RBBP8NL: variants seen among roughly 807,000 people sequenced by gnomAD.
The protein encoded by RBBP8NL is RBBP8 N-terminal like, also known as RBBP8 N-terminal-like protein.
RBBP8NL carries 59 observed loss-of-function variants against 62.2 expected under a neutral mutation model. The observed-to-expected ratio is 0.95, with a 90% confidence interval of 0.77 to 1.18. The LOEUF (loss-of-function observed/expected upper bound fraction) is 1.18, where lower values mean the gene tolerates loss of function less well. RBBP8NL is among the 50% of genes most tolerant of loss of function. The pLI is 0.00. For missense variants in RBBP8NL, 896 were observed against 899.5 expected (o/e 1.00, Z 0.05); for synonymous variants, 412 against 394.1 (o/e 1.05, Z -0.54).
chr20:62,415,773 C>G lies in RBBP8NL; in HGVS notation c.544+15G>C, dbSNP rs768653440. 4.3e-6 allele frequency: 7 copies of G among 1,611,206 alleles called. No homozygotes were observed. In the African/African-American group the frequency reaches 8.0e-5, roughly 18 times the overall value. ...GGGGGCCCAGCCTCCCAGCCTCACC[C>G]GGTCCCCACAGCACCTTCTCCCCGT... On this transcript the variant is annotated intron_variant, in intron 7 of 13. Coordinates refer to ENST00000252998, the MANE Select transcript of RBBP8NL (RefSeq NM_080833.3).
At position 62,413,548 on chromosome 20, in the gene RBBP8NL, G is replaced by T. The variant is rs757314233; in HGVS notation, c.1531-3C>A. On this transcript the variant is annotated splice_region_variant and splice_polypyrimidine_tract_variant and intron_variant, in intron 10 of 13. Transcript: ENST00000252998. ...CCTGGAAGTGGGCGTGAGGGGTCCT[G>T]GGGGGAGGCAAGTAGGTGGCTTGAG... is the stretch of plus-strand genomic sequence containing the variant. 1.3e-6 allele frequency: 2 copies of T among 1,520,364 alleles called. No individual in the cohort carries two copies. The highest frequency in any genetic ancestry group is 2.4e-5 in the Admixed American group (1 of 41,464). 94.2% of individuals were successfully genotyped at this position (1,520,364 alleles called of 1,614,324 possible). A position where few individuals can be genotyped will look rare whatever the true frequency, so the allele number is the denominator to read the frequency against.
intron 4 of RBBP8NL, 142 bp downstream of exon 4, chr20:62,417,082 G>A (rs994750973): frequency 3.3e-5 from 24 of 718,058 alleles, no homozygotes; most frequent in South Asian, 3.3e-4. Flanking sequence ...TTAAGGCTCT[G>A]AGATGTCCTG....
chr20:62,413,631 C>G (rs1988486677), intron 10 of RBBP8NL, 86 bp from the exon 11 acceptor site: 2 of 1,460,958 alleles, frequency 1.4e-6, no homozygotes, highest in Non-Finnish European at 1.8e-6. Context: ...TGGGACCCCT[C>G]TTGAGGCTGC....
Position 62,412,571 on chromosome 20 carries a change from G to A in RBBP8NL, c.1876+53C>T, listed in dbSNP as rs189379138. 3.8e-3 allele frequency: 6,063 copies of A among 1,583,798 alleles called. 60 individuals carry two copies. The highest frequency in any genetic ancestry group is 0.012 in the Middle Eastern group (52 of 4,362). On this transcript the variant is annotated intron_variant, in intron 13 of 13. Coordinates refer to ENST00000252998, the MANE Select transcript of RBBP8NL (RefSeq NM_080833.3). Reference sequence around the variant, plus strand: ...GAGAGGTGGCACTGGGGAGAGGTGGGTGCTGTGGCTCCCCTCGCCCCCTTC... The same window carrying A: ...GAGAGGTGGCACTGGGGAGAGGTGGATGCTGTGGCTCCCCTCGCCCCCTTC...
At chr20:62,418,387 T>G in intron 3 of RBBP8NL, 36 bp downstream of exon 3, 1 of 1,545,848 alleles carries the variant, frequency 6.5e-7, no homozygotes, top group South Asian at 1.2e-5. Context: ...GCCAGTGTGG[T>G]CCCTGTGAGG....
rs1249862247 is a variant in RBBP8NL at position 62,415,213 on chromosome 20, G to A, written c.702C>T (p.Ala234=). 13 of 1,526,316 alleles carry A rather than the reference G, an allele frequency of 8.5e-6. No homozygotes were observed. Among genetic ancestry groups the A allele is most frequent in the African/African-American group, 2.7e-5 (2 of 72,860 alleles). 94.5% of individuals were successfully genotyped at this position (1,526,316 alleles called of 1,614,324 possible). A position where few individuals can be genotyped will look rare whatever the true frequency, so the allele number is the denominator to read the frequency against. The change falls in exon 9 of 14, where the codon GCC becomes GCT. Residue 234 remains alanine, a synonymous_variant. Transcript: ENST00000252998. ...GCGTCCCATTGGCGGGGCCTCGGTC[G>A]GCAGGGCAAGCCTGGGACCCAGGCC... ...VVRPGSQACP[A]DRGPANGTPP...
intron 6 of RBBP8NL, 29 bp downstream of exon 6, chr20:62,416,135 T>TCTGA (rs1988559195): frequency 6.3e-7 from 1 of 1,598,046 alleles, no homozygotes; most frequent in Non-Finnish European, 8.5e-7. Context: ...GAGTTGGGTG[T>TCTGA]CTGAGCCCTG....
chr20:62,415,270 G>A lies in RBBP8NL; in HGVS notation c.645C>T (p.Ser215=). Residue 215 remains serine (S), a synonymous_variant, in exon 9 of 14, where the codon TCC becomes TCT. Transcript: ENST00000252998. The part of the protein sequence containing the change: ...RAPDMSPQRI[S]NQLHGTIAVV... Reference sequence around the variant, plus strand: ...CGGCAATGGTCCCGTGCAGCTGGTTGGAGATGCGCTGGGGGCTCTGTGAGG... The same window carrying A: ...CGGCAATGGTCCCGTGCAGCTGGTTAGAGATGCGCTGGGGGCTCTGTGAGG... 1 of 1,572,800 alleles carries A rather than the reference G, an allele frequency of 6.4e-7. No individual in the cohort carries two copies. Among genetic ancestry groups the A allele is most frequent in the Non-Finnish European group, 8.6e-7 (1 of 1,166,358 alleles).
chr20:62,415,058 A>G, intron 9 of RBBP8NL, 63 bp downstream of exon 9: 1 of 1,393,646 alleles, frequency 7.2e-7, no homozygotes, highest in Admixed American at 3.0e-5. Context: ...CTGCCCTGGG[A>G]CCAGGGGCTG....
At chr20:62,423,641 C>T (rs781685841) in intron 1 of RBBP8NL, among the ~76,000 whole-genome samples, 13 of 152,300 alleles carry the variant, frequency 8.5e-5, no homozygotes, top group South Asian at 8.3e-4. Context: ...GGGGTCCACA[C>T]GAGAGGTGGG....
intron 13 of RBBP8NL, among the ~76,000 whole-genome samples, chr20:62,412,099 C>A (rs532683252): frequency 6.4e-4 from 98 of 152,392 alleles, no homozygotes; most frequent in African/African-American, 2.3e-3. Flanking sequence ...GGAGCTGGGT[C>A]CAAGGACACT....
chr20:62,424,252 G>A (rs1988762404), intron 1 of RBBP8NL, among the ~76,000 whole-genome samples: 2 of 152,030 alleles, frequency 1.3e-5, no homozygotes, highest in South Asian at 4.2e-4. Flanking sequence ...GGGGAGGGCA[G>A]GCTAGTGAGC....
chr20:62,426,397 C>T (rs990156287), intron 1 of RBBP8NL, among the ~76,000 whole-genome samples: 1 of 152,262 alleles, frequency 6.6e-6, no homozygotes, highest in Non-Finnish European at 1.5e-5. Flanking sequence ...TGTCCACCTC[C>T]TGGCTGCCCC....
chr20:62,415,335 G>C (rs1333494718), intron 8 of RBBP8NL, 48 bp from the exon 9 acceptor site: 3 of 1,526,098 alleles, frequency 2.0e-6, no homozygotes, highest in African/African-American at 2.7e-5. Context: ...CGTGGCCTCT[G>C]CTGTGGCCTC....
At chr20:62,418,125 T>C (rs1448234060) in intron 3 of RBBP8NL, among the ~76,000 whole-genome samples, 1 of 152,200 alleles carries the variant, frequency 6.6e-6, no homozygotes, top group East Asian at 1.9e-4. Flanking sequence ...TGACCAGACA[T>C]GACCCCAGCT....
chr20:62,416,330 T>C (rs1988565769), intron 5 of RBBP8NL, 94 bp from the exon 6 acceptor site: 4 of 1,156,476 alleles, frequency 3.5e-6, no homozygotes, highest in Non-Finnish European at 5.0e-6. Flanking sequence ...CCCTCAGCAG[T>C]GCCCCCAGCA....
rs1988414192 is a variant in RBBP8NL at position 62,410,739 on chromosome 20, G to C, written c.*139C>G. ...AGAGAGCTGCCCTGGGCTCACTGTG[G>C]GTTCAGCTGAGGCTGGCTAGGTCTT... On this transcript the variant is annotated 3_prime_UTR_variant, in exon 14 of 14. Coordinates refer to ENST00000252998, the MANE Select transcript of RBBP8NL (RefSeq NM_080833.3). 1.5e-6 allele frequency: 1 copy of C among 678,842 alleles called. No individual in the cohort carries two copies. The highest frequency in any genetic ancestry group is 1.8e-5 in the African/African-American group (1 of 56,168). The allele number at this position is 678,842 out of a possible 1,614,324, so 42.1% of individuals were successfully genotyped here.
chr20:62,418,341 A>T, intron 3 of RBBP8NL, 82 bp downstream of exon 3: 1 of 1,289,098 alleles, frequency 7.8e-7, no homozygotes, highest in Non-Finnish European at 1.1e-6. Context: ...GGACGGTGGT[A>T]GTGCTGGCAC....
chr20:62,419,845 G>C, intron 1 of RBBP8NL, 115 bp from the exon 2 acceptor site: 1 of 586,700 alleles, frequency 1.7e-6, no homozygotes, highest in South Asian at 2.2e-5. Flanking sequence ...ATGCCATGCT[G>C]TAGGGGCTAC....
Sources: allele counts gnomAD v4.1 joint callset (sites outside exome capture counted in the v4.1 genomes callset), GRCh38; gene constraint gnomAD v4.1.1; transcripts MANE v1.5; gene names NCBI Gene and HGNC (gene_info 2026-07-23, HGNC 2026-07-21).